UBA2: variants seen among roughly 807,000 people sequenced by gnomAD.
The protein encoded by UBA2 is SUMO-activating enzyme subunit 2.
UBA2 carries 11 observed loss-of-function variants against 77.2 expected under a neutral mutation model. The ratio of observed to expected loss-of-function variants is 0.14; its 90% CI spans 0.09 to 0.24. UBA2 has a LOEUF of 0.24. Among genes scored for constraint, UBA2 ranks in the 10% least tolerant of loss-of-function variants. The pLI, the probability that UBA2 is intolerant of heterozygous loss-of-function variation, is 1.00. For synonymous variants in UBA2, 278 were observed against 276.7 expected, an observed-to-expected ratio of 1.00 and a Z score of -0.05; for missense variants, 487 against 781.7, an observed-to-expected ratio of 0.62 and a Z score of 4.50.
intron 7 of UBA2, among the ~76,000 whole-genome samples, chr19:34,444,623 A>G (rs1046727892): frequency 2.0e-4 from 30 of 152,192 alleles, no homozygotes; most frequent in Non-Finnish European, 1.9e-4. Flanking sequence ...CCTGGCCAAC[A>G]TGGCAAAACC....
chr19:34,453,095 A>G (rs1194633860), intron 10 of UBA2, among the ~76,000 whole-genome samples: 1 of 152,202 alleles, frequency 6.6e-6, no homozygotes, highest in Non-Finnish European at 1.5e-5. Flanking sequence ...TGCTTAGGGA[A>G]GACACTGTGT....
rs1334802974 is a variant in UBA2 at position 34,429,346 on chromosome 19, G to A, written c.138+776G>A. On this transcript the variant is annotated intron_variant, in intron 1 of 16. Transcript: ENST00000246548. Reference sequence around the variant, plus strand: ...TGCAAACTTTTTAGAGATTGGAGATGTTACTGGCCCTTCGGTGTGAGTTTA... The same window carrying A: ...TGCAAACTTTTTAGAGATTGGAGATATTACTGGCCCTTCGGTGTGAGTTTA... The A allele has an allele frequency of 2.0e-5, 14 of 701,190 alleles. 1 individual carries two copies. The highest frequency in any genetic ancestry group is 2.3e-5 in the Non-Finnish European group (13 of 570,240). The allele number at this position is 701,190 out of a possible 1,614,324, so 43.4% of individuals were successfully genotyped here.
chr19:34,457,214 A>ATATATATATATATATATATATATAT (rs2075578002), intron 12 of UBA2, among the ~76,000 whole-genome samples: 3 of 134,530 alleles, frequency 2.2e-5, no homozygotes, highest in Non-Finnish European at 3.1e-5. Flanking sequence ...ATATATATAT[A>ATATATATATATATATATATATATAT]AAATTAGCTG....
intron 2 of UBA2, among the ~76,000 whole-genome samples, chr19:34,431,134 C>G (rs1418708769): frequency 6.6e-6 from 1 of 151,498 alleles, no homozygotes; most frequent in Non-Finnish European, 1.5e-5. Flanking sequence ...CTTTTTCTTT[C>G]ATATTTTGGC....
rs545848645 is a variant in UBA2, at chr19:34,450,689, T to G, written c.871+325T>G. On this transcript the variant is annotated intron_variant, in intron 9 of 16. Transcript: ENST00000246548. ...CTAGTCTCTTATTAACATGTAGTGT[T>G]TTTGTATTTTCCCTGAAATAAAGTT... Among the ~76,000 whole-genome samples, 62 of 152,186 alleles carry G rather than the reference T, an allele frequency of 4.1e-4. 1 individual carries two copies. The South Asian group carries it at 5.2e-3, about 13-fold the overall frequency.
intron 9 of UBA2, 46 bp from the exon 10 acceptor site, chr19:34,451,930 AGGAAT>A: frequency 9.4e-7 from 1 of 1,067,484 alleles, no homozygotes; most frequent in Non-Finnish European, 1.3e-6. Context: ...AGCACAGTAG[AGGAAT>A]GATGTTAATT....
intron 10 of UBA2, among the ~76,000 whole-genome samples, chr19:34,453,644 C>T (rs539427397): frequency 6.6e-6 from 1 of 151,630 alleles, no homozygotes; most frequent in Non-Finnish European, 1.5e-5. Context: ...CCACCTCAGG[C>T]TCCCGAGTAC....
intron 9 of UBA2, among the ~76,000 whole-genome samples, chr19:34,450,692 T>C (rs1004146286): frequency 6.6e-6 from 1 of 152,064 alleles, no homozygotes; most frequent in Non-Finnish European, 1.5e-5. Flanking sequence ...GTAGTGTTTT[T>C]GTATTTTCCC....
intron 8 of UBA2, 44 bp downstream of exon 8, chr19:34,445,165 T>C (rs755792693): frequency 6.4e-6 from 10 of 1,567,696 alleles, no homozygotes; most frequent in Non-Finnish European, 6.1e-6. Context: ...TGTATTGTTG[T>C]GCATAGATGT....
chr19:34,462,968 G>T (rs939469351), intron 14 of UBA2, among the ~76,000 whole-genome samples: 1 of 152,052 alleles, frequency 6.6e-6, no homozygotes, highest in African/African-American at 2.4e-5. Context: ...GGTGGAGGGG[G>T]TGCATTTAAT....
intron 12 of UBA2, 60 bp from the exon 13 acceptor site, chr19:34,458,709 T>G: frequency 6.9e-7 from 1 of 1,443,682 alleles, no homozygotes; most frequent in South Asian, 1.4e-5. Flanking sequence ...GATTTTAGAT[T>G]GTATGGCGTA....
chr19:34,453,027 A>G (rs1568378817), intron 10 of UBA2, among the ~76,000 whole-genome samples: 1 of 152,216 alleles, frequency 6.6e-6, no homozygotes, highest in Non-Finnish European at 1.5e-5. Context: ...GAGCCCTTGG[A>G]ATGGGAATTG....
At chr19:34,430,723 A>G in intron 2 of UBA2, 64 bp downstream of exon 2, 2 of 1,319,572 alleles carry the variant, frequency 1.5e-6, no homozygotes, top group Non-Finnish European at 2.2e-6. Flanking sequence ...TACCAGATTA[A>G]TCCTGCCTGT....
At chr19:34,456,100 C>CTTTTTTTTTTTTTTTTTTTTTGTT (rs869118014) in intron 12 of UBA2, among the ~76,000 whole-genome samples, 1 of 55,782 alleles carries the variant, frequency 1.8e-5, no homozygotes, top group Non-Finnish European at 3.2e-5. Flanking sequence ...TTTTCCTTTT[C>CTTTTTTTTTTTTTTTTTTTTTGTT]TTTTTCTTTT....
At chr19:34,454,900 G>C (rs1346168209) in intron 12 of UBA2, among the ~76,000 whole-genome samples, 1 of 152,124 alleles carries the variant, frequency 6.6e-6, no homozygotes, top group Non-Finnish European at 1.5e-5. Flanking sequence ...ATAGTCCCCT[G>C]TTCAGTCATT....
Position 34,454,268 on chromosome 19 carries a change from A to C in UBA2, c.1047A>C (p.Pro349=). 6.2e-7 allele frequency: 1 copy of C among 1,609,700 alleles called. No homozygotes were observed. Among genetic ancestry groups the C allele is most frequent in the Non-Finnish European group, 8.5e-7 (1 of 1,179,086 alleles). ...GTTTAAATTATTGGCAGGATGACCC[A>C]TCTGCAATGGATTTTGTCACCTCTG... is the stretch of plus-strand genomic sequence containing the variant. The part of the protein sequence containing the change: ...GAELIWDKDD[P]SAMDFVTSAA... Residue 349 remains proline (P), a synonymous_variant, in exon 11 of 17, where the codon CCA becomes CCC. Transcript: ENST00000246548.
chr19:34,457,166 TAAA>T (rs569078000), intron 12 of UBA2, among the ~76,000 whole-genome samples: 56 of 51,026 alleles, frequency 1.1e-3, no homozygotes, highest in South Asian at 7.3e-3. Flanking sequence ...TGGTCTCTAC[TAAA>T]AAAAAAAAAA....
At chr19:34,453,517 CTTT>C (rs560242991) in intron 10 of UBA2, among the ~76,000 whole-genome samples, 10 of 127,298 alleles carry the variant, frequency 7.9e-5, no homozygotes, top group Admixed American at 8.2e-5. Flanking sequence ...AATGAAACAG[CTTT>C]TTTTTTTTTT....
rs185854849 is a variant in UBA2 at position 34,451,591 on chromosome 19, A to G, written c.872-390A>G. On this transcript the variant is annotated intron_variant, in intron 9 of 16. Coordinates refer to ENST00000246548, the MANE Select transcript of UBA2 (RefSeq NM_005499.3). ...GAGACAGAGTCTTGCTCTGTCGCCC[A>G]GGCTGGAGTGCAGTGGCGCGATCTT... Among the ~76,000 whole-genome samples, 257 of 112,228 alleles carry G rather than the reference A, an allele frequency of 2.3e-3. 1 individual carries two copies. The highest frequency in any genetic ancestry group is 8.6e-3 in the African/African-American group (250 of 29,188). 73.6% of individuals were successfully genotyped at this position (112,228 alleles called of 152,430 possible). A position where few individuals can be genotyped will look rare whatever the true frequency, so the allele number is the denominator to read the frequency against.
Sources: gnomAD v4.1 joint callset for allele counts (sites outside exome capture counted in the v4.1 genomes callset) on GRCh38, gnomAD v4.1.1 for gene constraint, MANE v1.5 for transcripts, NCBI Gene and HGNC (gene_info 2026-07-23, HGNC 2026-07-21) for gene names.